The following GPATCH11 variants were observed in gnomAD, a reference collection of about 807,000 sequenced individuals.
GPATCH11 encodes the protein G patch domain-containing protein 11.
A neutral mutation model predicts 44.8 loss-of-function variants in GPATCH11; 32 were observed. The ratio of observed to expected loss-of-function variants is 0.71; its 90% CI spans 0.54 to 0.96. The LOEUF (loss-of-function observed/expected upper bound fraction) is 0.96. Among genes scored for constraint, GPATCH11 ranks in the 40% least tolerant of loss-of-function variants. The pLI is 0.00. For synonymous variants in GPATCH11, 84 were observed against 94.4 expected, an observed-to-expected ratio of 0.89 and a Z score of 0.64; for missense variants, 324 against 303.1, an observed-to-expected ratio of 1.07 and a Z score of -0.51.
At chr2:37,089,486 G>T (rs925509032) in intron 2 of GPATCH11, among the ~76,000 whole-genome samples, 154 bp from the exon 3 acceptor site, 3 of 151,792 alleles carry the variant, frequency 2.0e-5, no homozygotes, top group Non-Finnish European at 4.4e-5. Context: ...AGAATCGGTT[G>T]AACCCAGGAG....
rs150737567 is a variant in GPATCH11 at position 37,089,648 on chromosome 2, T to A, written c.68T>A (p.Ile23Asn). The A allele has an allele frequency of 1.9e-6, 3 of 1,548,944 alleles. No individual in the cohort carries two copies. Among genetic ancestry groups the A allele is most frequent in the East Asian group, 4.9e-5 (2 of 40,870 alleles). The change falls in exon 3 of 9, where the codon ATC becomes AAC. Residue 23 changes from isoleucine to asparagine, a missense_variant. Ile to Asn is a moderately radical substitution (Grantham distance 149). Coordinates refer to ENST00000674370, the MANE Select transcript of GPATCH11 (RefSeq NM_174931.4). ...SDSFINVQED[I>N]RPGLPMLRQI... ...ACTTTTCCCTTATTCAGAGAAGATATCAGACCAGGATTGCCAATGCTAAGG... is the reference window on the plus strand; with the variant it reads ...ACTTTTCCCTTATTCAGAGAAGATAACAGACCAGGATTGCCAATGCTAAGG...
chr2:37,088,724 G>A (rs1673166602), intron 2 of GPATCH11, among the ~76,000 whole-genome samples: 2 of 152,126 alleles, frequency 1.3e-5, no homozygotes, highest in Admixed American at 1.3e-4. Flanking sequence ...GTCTCACTGT[G>A]TTGCCAAGGC....
In GPATCH11 at chr2:37,096,524, C is replaced by T; in HGVS notation, c.*261C>T. On this transcript the variant is annotated 3_prime_UTR_variant, in exon 9 of 9. Transcript: ENST00000674370. ...GTGATACGTGAGGGGTTTAAGGACA[C>T]CAACAGGTAACTTCTTATTCCCCTC... 1 of 352,560 alleles carries T rather than the reference C, an allele frequency of 2.8e-6. No individual in the cohort carries two copies. The highest frequency in any genetic ancestry group is 5.1e-6 in the Non-Finnish European group (1 of 194,318). The allele number at this position is 352,560 out of a possible 1,614,324, so 21.8% of individuals were successfully genotyped here.
rs935080065 is a variant in GPATCH11 at position 37,097,130 on chromosome 2, A to G, written c.*867A>G. The G allele has an allele frequency of 2.6e-4, 40 of 152,192 alleles. No individual in the cohort carries two copies. The highest frequency in any genetic ancestry group is 9.7e-4 in the African/African-American group (40 of 41,440). The allele number at this position is 152,192 out of a possible 1,614,324, so 9.4% of individuals were successfully genotyped here. ...AACTTAATTGTGAGGAAATTTAAATATTGTGTGATGCAAGTACTTACTGAA... is the reference window on the plus strand; with the variant it reads ...AACTTAATTGTGAGGAAATTTAAATGTTGTGTGATGCAAGTACTTACTGAA... On this transcript the variant is annotated 3_prime_UTR_variant, in exon 9 of 9. Transcript: ENST00000674370.
rs545176792 is a variant in GPATCH11, at chr2:37,098,861, C to T, written c.*2598C>T. 6.6e-6 allele frequency: 1 copy of T among 152,124 alleles called. No homozygotes were observed. The highest frequency in any genetic ancestry group is 1.9e-4 in the East Asian group (1 of 5,178). 9.4% of individuals were successfully genotyped at this position (152,124 alleles called of 1,614,324 possible). On this transcript the variant is annotated 3_prime_UTR_variant, in exon 9 of 9. Coordinates refer to ENST00000674370, the MANE Select transcript of GPATCH11 (RefSeq NM_174931.4). ...AGAAGTTTGAAACCAGCCTGGGCAA[C>T]ATAGTGAGAGACCTCCATCTTAAGG...
intron 1 of GPATCH11, among the ~76,000 whole-genome samples, chr2:37,085,644 A>T (rs1403070859): frequency 6.6e-6 from 1 of 152,250 alleles, no homozygotes; most frequent in Admixed American, 6.5e-5. Flanking sequence ...AGAGAGTTGC[A>T]ACTGGATAGG....
In GPATCH11 at chr2:37,088,371, A is replaced by G. The variant is rs1673144587; in HGVS notation, c.-11A>G. ...AGTAATTATTACTTTATTTGTAGAT[A>G]CTATAGCCATATGAAGTTGAACATG... On this transcript the variant is annotated splice_region_variant and 5_prime_UTR_variant, in exon 2 of 9. In the 5' UTR this introduces an upstream ATG that the reference lacks. Coordinates refer to ENST00000674370, the MANE Select transcript of GPATCH11 (RefSeq NM_174931.4). The G allele has an allele frequency of 1.4e-6, 2 of 1,476,744 alleles. No homozygotes were observed. Among genetic ancestry groups the G allele is most frequent in the Non-Finnish European group, 1.9e-6 (2 of 1,076,684 alleles). The allele number at this position is 1,476,744 out of a possible 1,614,324, so 91.5% of individuals were successfully genotyped here. A position where few individuals can be genotyped will look rare whatever the true frequency, so the allele number is the denominator to read the frequency against.
At chr2:37,087,150 A>C (rs1673088237) in intron 1 of GPATCH11, among the ~76,000 whole-genome samples, 1 of 152,208 alleles carries the variant, frequency 6.6e-6, no homozygotes, top group African/African-American at 2.4e-5. Flanking sequence ...TAATGTAAGG[A>C]AAAAGATGGT....
chr2:37,095,563 C>T, intron 8 of GPATCH11, 45 bp downstream of exon 8: 1 of 1,497,460 alleles, frequency 6.7e-7, no homozygotes, highest in Non-Finnish European at 8.9e-7. Context: ...TGAATGCTCT[C>T]CAATTTTTAG....
chr2:37,090,574 A>T, intron 3 of GPATCH11, 107 bp from the exon 4 acceptor site: 2 of 620,348 alleles, frequency 3.2e-6, no homozygotes, highest in Non-Finnish European at 5.7e-6. Context: ...TTTGAATATC[A>T]TTGAAACAGG....
rs375915588 is a variant in GPATCH11, at chr2:37,091,992, T to G, written c.405T>G (p.Ile135Met). Residue 135 changes from isoleucine to methionine, a missense_variant, in exon 5 of 9, where the codon ATT becomes ATG. Transcript: ENST00000674370. ...EEKLESYRKK[I>M]HMKNQAEEKA... ...AATTGGAAAGCTACAGAAAAAAGAT[T>G]CACATGAAAAACCAAGCTGAAGAAA... 5.0e-5 allele frequency: 81 copies of G among 1,613,220 alleles called. No individual in the cohort carries two copies. The highest frequency in any genetic ancestry group is 6.0e-5 in the Non-Finnish European group (71 of 1,179,514).
In GPATCH11 at chr2:37,084,559, G is replaced by T. The variant is rs906475995; in HGVS notation, c.-25G>T. 8.1e-7 allele frequency: 1 copy of T among 1,232,276 alleles called. No individual in the cohort carries two copies. Among genetic ancestry groups the T allele is most frequent in the Non-Finnish European group, 1.0e-6 (1 of 988,126 alleles). The allele number at this position is 1,232,276 out of a possible 1,614,324, so 76.3% of individuals were successfully genotyped here. ...CTACGGCGCTGAACCGGGGCGAGCA[G>T]AGAGCTGTCAGGTAAGAGAGCTGTC... On this transcript the variant is annotated 5_prime_UTR_variant, in exon 1 of 9. Transcript: ENST00000674370.
chr2:37,096,131 G>A, intron 8 of GPATCH11, 77 bp from the exon 9 acceptor site: 1 of 870,490 alleles, frequency 1.1e-6, no homozygotes, highest in East Asian at 2.8e-5. Context: ...ATCAAAAAAT[G>A]CATGTTATGT....
intron 2 of GPATCH11, 102 bp downstream of exon 2, chr2:37,088,542 G>T (rs892610842): frequency 4.8e-6 from 3 of 628,636 alleles, no homozygotes; most frequent in Admixed American, 2.9e-5. Flanking sequence ...TTGAGACAGG[G>T]TCTCATTCTG....
chr2:37,095,341 T>C, intron 7 of GPATCH11, 96 bp from the exon 8 acceptor site: 5 of 1,403,084 alleles, frequency 3.6e-6, no homozygotes, highest in Non-Finnish European at 3.8e-6. Flanking sequence ...TATAGCAGAA[T>C]ATTTACAGCC....
chr2:37,094,047 A>T, intron 6 of GPATCH11, 35 bp from the exon 7 acceptor site: 1 of 1,150,456 alleles, frequency 8.7e-7, no homozygotes, highest in Non-Finnish European at 1.3e-6. Flanking sequence ...TCTTATGTTT[A>T]GTATGTTTAA....
At chr2:37,093,442 C>T (rs1673428029) in intron 6 of GPATCH11, among the ~76,000 whole-genome samples, 1 of 152,130 alleles carries the variant, frequency 6.6e-6, no homozygotes, top group South Asian at 2.1e-4. Context: ...TGTAAAATTT[C>T]CCTTATATAT....
chr2:37,085,779 A>G lies in GPATCH11; in HGVS notation c.-14+1209A>G, dbSNP rs562662614. Among the ~76,000 whole-genome samples, 6 of 152,328 alleles carry G rather than the reference A, an allele frequency of 3.9e-5. No homozygotes were observed. In the South Asian group the frequency reaches 6.2e-4, roughly 16 times the overall value. ...AATCATTTGTTATCTCACAGTTTCT[A>G]TGGGTCAGGAATTTGTTAGCAGCTT... On this transcript the variant is annotated intron_variant, in intron 1 of 8. Coordinates refer to ENST00000674370, the MANE Select transcript of GPATCH11 (RefSeq NM_174931.4).
Position 37,096,201 on chromosome 2 carries a change from CT to C in GPATCH11, c.737-5del. The C allele has an allele frequency of 6.5e-7, 1 of 1,543,120 alleles. No individual in the cohort carries two copies. The highest frequency in any genetic ancestry group is 8.8e-7 in the Non-Finnish European group (1 of 1,131,518). ...TTAATCTTTCATTTCCCTCACATAA[CT>C]TACAGATAAAGAAGACCTATCTTCA... On this transcript the variant is annotated splice_region_variant and splice_polypyrimidine_tract_variant and intron_variant, in intron 8 of 8. Coordinates refer to ENST00000674370, the MANE Select transcript of GPATCH11 (RefSeq NM_174931.4).
Sources: gnomAD v4.1 joint callset for allele counts (sites outside exome capture counted in the v4.1 genomes callset) on GRCh38, gnomAD v4.1.1 for gene constraint, MANE v1.5 for transcripts, NCBI Gene and HGNC (gene_info 2026-07-23, HGNC 2026-07-21) for gene names.